RIPK1: variants seen among roughly 807,000 people sequenced by gnomAD.
RIPK1 encodes receptor-interacting serine/threonine-protein kinase 1.
In RIPK1, 27 loss-of-function variants were observed where a neutral mutation model predicts 62.4. The observed-to-expected ratio is 0.43, with a 90% CI of 0.32 to 0.60. The LOEUF is 0.60. Among genes scored for constraint, RIPK1 ranks in the 20% least tolerant of loss-of-function variants. The pLI, the probability that RIPK1 is intolerant of heterozygous loss-of-function variation, is 0.07. For missense variants in RIPK1, 735 were observed against 831.0 expected (o/e 0.88, Z 1.42); for synonymous variants, 287 against 303.2 (o/e 0.95, Z 0.55).
intron 7 of RIPK1, among the ~76,000 whole-genome samples, chr6:3,094,471 G>C (rs1760177998): frequency 6.6e-6 from 1 of 151,588 alleles, no homozygotes; most frequent in African/African-American, 2.4e-5. Context: ...AATCACAATG[G>C]TATTTAGAAA....
rs79258814 is a variant in RIPK1 at position 3,098,763 on chromosome 6, C to T, written c.916-5462C>T. On this transcript the variant is annotated intron_variant, in intron 7 of 10. Coordinates refer to ENST00000259808, the MANE Select transcript of RIPK1 (RefSeq NM_001354930.2). ...TGCAGGTTGGGTTTTCCAGAAGCAG[C>T]CACTGAGTTGGAGATTGGGGTGCAA... Among the ~76,000 whole-genome samples, 803 of 152,242 alleles carry T rather than the reference C, an allele frequency of 5.3e-3. 7 individuals carry two copies. The highest frequency in any genetic ancestry group is 0.019 in the African/African-American group (786 of 41,538).
In RIPK1 at chr6:3,110,817, T is replaced by C. The variant is rs745335130; in HGVS notation, c.1591T>C (p.Tyr531His). Reference sequence around the variant, plus strand: ...TCTCTATGCAGATGAATCTATAAAATATACCATATACAATAGTACTGGCAT... The same window carrying C: ...TCTCTATGCAGATGAATCTATAAAACATACCATATACAATAGTACTGGCAT... ...SLPPTDESIK[Y>H]TIYNSTGIQI... The change falls in exon 10 of 11, where the codon TAT becomes CAT. Residue 531 changes from tyrosine to histidine, a missense_variant. This residue lies in a region of RIPK1 where 671 missense variants were observed against 726.2 expected (regional missense o/e 0.92). Coordinates refer to ENST00000259808, the MANE Select transcript of RIPK1 (RefSeq NM_001354930.2). The C allele has an allele frequency of 2.4e-5, 38 of 1,577,700 alleles. No homozygotes were observed. Among genetic ancestry groups the C allele is most frequent in the Non-Finnish European group, 3.1e-5 (36 of 1,151,272 alleles).
At chr6:3,079,374 A>C (rs2113588367) in intron 3 of RIPK1, among the ~76,000 whole-genome samples, 1 of 152,278 alleles carries the variant, frequency 6.6e-6, no homozygotes, top group Admixed American at 6.5e-5. Context: ...CACCGTTCCC[A>C]GCTGATGGTG....
Position 3,077,688 on chromosome 6 carries a change from C to T in RIPK1, c.165-91C>T, listed in dbSNP as rs557809978. On this transcript the variant is annotated intron_variant, in intron 2 of 10. Coordinates refer to ENST00000259808, the MANE Select transcript of RIPK1 (RefSeq NM_001354930.2). ...ATCGGTACAGACCCAAGCATGACCC[C>T]AGCACGTGGGAGTGATGTGTTGGAG... 652 of 1,414,694 alleles carry T rather than the reference C, an allele frequency of 4.6e-4. 1 individual carries two copies. Among genetic ancestry groups the T allele is most frequent in the Non-Finnish European group, 5.9e-4 (607 of 1,026,052 alleles). The allele number at this position is 1,414,694 out of a possible 1,614,324, so 87.6% of individuals were successfully genotyped here.
At position 3,105,507 on chromosome 6, in the gene RIPK1, C is replaced by T. The variant is rs367796517; in HGVS notation, c.1032C>T (p.His344=). The T allele has an allele frequency of 4.5e-6, 7 of 1,568,456 alleles. No individual in the cohort carries two copies. The African/African-American group carries it at 9.6e-5, about 21-fold the overall frequency. ...NSATEQPGSL[H]SSQGLGMGPV... ...CCACAGAACAGCCTGGTTCACTGCACAGTTCCCAGGGACTTGGGATGGGTC... is the reference window on the plus strand; with the variant it reads ...CCACAGAACAGCCTGGTTCACTGCATAGTTCCCAGGGACTTGGGATGGGTC... The change falls in exon 9 of 11, where the codon CAC becomes CAT. Residue 344 remains histidine (H), a synonymous_variant. Coordinates refer to ENST00000259808, the MANE Select transcript of RIPK1 (RefSeq NM_001354930.2). This position sits in a 1 kb window ranked among gnomAD's most constrained non-coding sequence, Gnocchi z 4.5.
At chr6:3,090,375 A>G (rs6939409) in intron 7 of RIPK1, among the ~76,000 whole-genome samples, 14,156 of 152,168 alleles carry the variant, frequency 0.093, 2,033 homozygotes, top group African/African-American at 0.31. Flanking sequence ...GGAGACTACG[A>G]CAAATAAAAC....
At chr6:3,082,625 C>G (rs1003497145) in intron 4 of RIPK1, among the ~76,000 whole-genome samples, 2 of 152,202 alleles carry the variant, frequency 1.3e-5, no homozygotes, top group Non-Finnish European at 2.9e-5. Context: ...ACACTTGCAT[C>G]CATGGGCCTC....
intron 6 of RIPK1, 67 bp from the exon 7 acceptor site, chr6:3,089,513 GA>G: frequency 1.2e-6 from 1 of 804,686 alleles, no homozygotes; most frequent in Non-Finnish European, 2.1e-6. Flanking sequence ...AAAGATAATA[GA>G]TGGCTAATAT....
upstream of RIPK1, chr6:3,068,165 C>T (rs1758468070): frequency 3.1e-6 from 3 of 969,906 alleles, no homozygotes; most frequent in African/African-American, 1.8e-5. Context: ...ATTTCCTCCT[C>T]AACAGCCCCA....
In RIPK1 at chr6:3,113,114, C is replaced by T; in HGVS notation, c.1791C>T (p.His597=). ...LDPIRENLGK[H]WKNCARKLGF... ...CAATCAGGGAAAATCTGGGAAAGCA[C>T]TGGAAAAACTGTGCCCGTAAACTGG... Residue 597 remains histidine (H), a synonymous_variant, in exon 11 of 11, where the codon CAC becomes CAT. Coordinates refer to ENST00000259808, the MANE Select transcript of RIPK1 (RefSeq NM_001354930.2). The surrounding 1 kb of genome is among the most constrained non-coding windows in gnomAD (Gnocchi z 5.0). 19 of 1,605,636 alleles carry T rather than the reference C, an allele frequency of 1.2e-5. No homozygotes were observed. Among genetic ancestry groups the T allele is most frequent in the Non-Finnish European group, 1.5e-5 (18 of 1,173,848 alleles).
chr6:3,066,985 T>C (rs1055014134), upstream of RIPK1, among the ~76,000 whole-genome samples: 3 of 152,036 alleles, frequency 2.0e-5, no homozygotes, highest in Middle Eastern at 3.4e-3. Context: ...GTTGGAATCA[T>C]GCATTATGTA....
Position 3,081,244 on chromosome 6 carries a change from G to A in RIPK1, c.459+128G>A. The A allele has an allele frequency of 9.6e-6, 10 of 1,046,926 alleles. No homozygotes were observed. In the South Asian group the frequency reaches 1.6e-4, roughly 17 times the overall value. The allele number at this position is 1,046,926 out of a possible 1,614,324, so 64.9% of individuals were successfully genotyped here. On this transcript the variant is annotated intron_variant, in intron 4 of 10. Transcript: ENST00000259808. ...GCTCAGCTTATAACTGTTGATGATG[G>A]TGCCGAAAGGCTCTACCGGTGATTG...
At chr6:3,107,738 C>A (rs1461219591) in intron 9 of RIPK1, among the ~76,000 whole-genome samples, 1 of 151,904 alleles carries the variant, frequency 6.6e-6, no homozygotes, top group South Asian at 2.1e-4. Context: ...CATTTTTTAT[C>A]TTTTTTCTAC....
upstream of RIPK1, among the ~76,000 whole-genome samples, chr6:3,065,051 G>C (rs1231645775): frequency 6.6e-6 from 1 of 151,794 alleles, no homozygotes; most frequent in African/African-American, 2.4e-5. Context: ...GACCATCCTG[G>C]CTAACACTGT....
chr6:3,082,923 A>T (rs542132330), intron 4 of RIPK1, among the ~76,000 whole-genome samples, 162 bp from the exon 5 acceptor site: 12 of 152,308 alleles, frequency 7.9e-5, no homozygotes, highest in African/African-American at 2.9e-4. Flanking sequence ...CACAGTTTCT[A>T]TGAGTCTGTT....
At chr6:3,111,092 G>C (rs1761134274) in intron 10 of RIPK1, 137 bp downstream of exon 10, 1 of 521,818 alleles carries the variant, frequency 1.9e-6, no homozygotes, top group South Asian at 3.8e-5. Context: ...AAATATCTTT[G>C]TAATTTCCAT....
rs1760814470 is a variant in RIPK1, at chr6:3,105,721, T to C, written c.1246T>C (p.Ser416Pro). The change falls in exon 9 of 11, where the codon TCC becomes CCC. Residue 416 changes from serine (S) to proline (P), a missense_variant. This residue lies in a region of RIPK1 where 671 missense variants were observed against 726.2 expected (regional missense o/e 0.92). Coordinates refer to ENST00000259808, the MANE Select transcript of RIPK1 (RefSeq NM_001354930.2). The surrounding 1 kb of genome is among the most constrained non-coding windows in gnomAD (Gnocchi z 4.5). ...AGAGGAGGAAAGGAGACGCAGGGTCTCCCATGACCCTTTTGCACAGCAAAG... is the reference window on the plus strand; with the variant it reads ...AGAGGAGGAAAGGAGACGCAGGGTCCCCCATGACCCTTTTGCACAGCAAAG... Reference protein sequence around the residue: ...NREEERRRRVSHDPFAQQRPY... With the variant: ...NREEERRRRVPHDPFAQQRPY... 2 of 1,614,072 alleles carry C rather than the reference T, an allele frequency of 1.2e-6. No individual in the cohort carries two copies. Among genetic ancestry groups the C allele is most frequent in the Non-Finnish European group, 1.7e-6 (2 of 1,179,940 alleles).
chr6:3,105,955 C>A lies in RIPK1; in HGVS notation c.1480C>A (p.Pro494Thr). ...AGPRVWYRPI[P>T]SHMPSLHNIP... Reference sequence around the variant, plus strand: ...TCCCAGAGTTTGGTACAGGCCAATTCCAAGTCATATGCCTAGTCTGCATAA... The same window carrying A: ...TCCCAGAGTTTGGTACAGGCCAATTACAAGTCATATGCCTAGTCTGCATAA... Residue 494 changes from proline (P) to threonine (T), a missense_variant, in exon 9 of 11, where the codon CCA becomes ACA. Physicochemically the swap from Pro to Thr is conservative, Grantham distance 38. Transcript: ENST00000259808. This position sits in a 1 kb window ranked among gnomAD's most constrained non-coding sequence, Gnocchi z 4.5. The A allele has an allele frequency of 6.2e-7, 1 of 1,614,066 alleles. No homozygotes were observed. Among genetic ancestry groups the A allele is most frequent in the Non-Finnish European group, 8.5e-7 (1 of 1,179,942 alleles).
intron 7 of RIPK1, 149 bp from the exon 8 acceptor site, chr6:3,104,076 T>C (rs1760709079): frequency 3.6e-6 from 2 of 557,980 alleles, no homozygotes; most frequent in Middle Eastern, 9.6e-4. Flanking sequence ...TTTGGCTATT[T>C]GGGAAAAACA....
Sources: allele counts gnomAD v4.1 joint callset (sites outside exome capture counted in the v4.1 genomes callset), GRCh38; gene constraint gnomAD v4.1.1; regional missense constraint gnomAD v4.1.1; non-coding constraint Gnocchi (gnomAD v3.1); transcripts MANE v1.5; gene names NCBI Gene and HGNC (gene_info 2026-07-23, HGNC 2026-07-21).